CEP152: variants seen among roughly 807,000 people sequenced by gnomAD.
CEP152 encodes the protein centrosomal protein of 152 kDa.
A neutral mutation model predicts 188.9 loss-of-function variants in CEP152; 132 were observed. The observed-to-expected ratio is 0.70, with a 90% CI of 0.61 to 0.81. The LOEUF (loss-of-function observed/expected upper bound fraction) is 0.81. CEP152 is among the 30% of genes least tolerant of loss of function. The probability of loss-of-function intolerance (pLI) is 0.00; values close to 1 mark genes in which losing one functional copy is unlikely to be tolerated. For synonymous variants in CEP152, 649 were observed against 666.6 expected (o/e 0.97, Z 0.41); for missense variants, 1,914 against 1,969.8 (o/e 0.97, Z 0.54).
In CEP152 at chr15:48,762,510, C is replaced by A; in HGVS notation, c.2443G>T (p.Glu815Ter). 6.2e-7 allele frequency: 1 copy of A among 1,614,078 alleles called. No individual in the cohort carries two copies. The highest frequency in any genetic ancestry group is 1.1e-5 in the South Asian group (1 of 91,072). ...TTTTGCTGGATTGTGCACTTCTGCT[C>A]TTCTATCATAATTGCCATCTCTTTC... Reference protein sequence around the residue: ...SKKEMAIMIEEQKCTIQQNLE... With the variant: ...SKKEMAIMIE The change falls in exon 18 of 27, where the codon GAG becomes TAG. Residue 815 changes from glutamate to a stop codon, truncating the protein, a stop_gained. Coordinates refer to ENST00000380950, the MANE Select transcript of CEP152 (RefSeq NM_001194998.2). LOFTEE classifies it high-confidence loss of function.
At chr15:48,742,289 G>GTACTCTA in intron 24 of CEP152, among the ~76,000 whole-genome samples, 189 bp from the exon 25 acceptor site, 1 of 152,234 alleles carries the variant, frequency 6.6e-6, no homozygotes, top group Non-Finnish European at 1.5e-5. Context: ...CAAATGAGAA[G>GTACTCTA]TACTCTATAA....
chr15:48,776,226 T>C (rs528190431), intron 12 of CEP152, among the ~76,000 whole-genome samples: 2 of 152,274 alleles, frequency 1.3e-5, no homozygotes, highest in South Asian at 2.1e-4. Context: ...TTATATGGTA[T>C]ATTTCATAAT....
At chr15:48,744,121 G>T (rs1893226118) in intron 24 of CEP152, 119 bp downstream of exon 24, 1 of 1,485,436 alleles carries the variant, frequency 6.7e-7, no homozygotes, top group African/African-American at 1.4e-5. Context: ...TAAGATTGAA[G>T]AAAAAGGTAA....
chr15:48,757,667 CATTGATCA>C (rs1225998434), intron 19 of CEP152, among the ~76,000 whole-genome samples: 1 of 152,078 alleles, frequency 6.6e-6, no homozygotes, highest in African/African-American at 2.4e-5. Flanking sequence ...TGGTGGTTAC[CATTGATCA>C]ATACTATATA....
At chr15:48,788,768 T>G in intron 9 of CEP152, 33 bp downstream of exon 9, 1 of 1,577,892 alleles carries the variant, frequency 6.3e-7, no homozygotes, top group East Asian at 2.2e-5. Flanking sequence ...CTTTACTTGT[T>G]GATAACAGTT....
chr15:48,804,301 C>T (rs1897844918), intron 2 of CEP152, among the ~76,000 whole-genome samples: 1 of 152,212 alleles, frequency 6.6e-6, no homozygotes, highest in Non-Finnish European at 1.5e-5. Flanking sequence ...ACTCTGCAAC[C>T]AACAATACCT....
At chr15:48,731,327 G>A (rs1383778334) in intron 2 of CEP152, among the ~76,000 whole-genome samples, 4 of 151,910 alleles carry the variant, frequency 2.6e-5, no homozygotes, top group African/African-American at 9.7e-5. Flanking sequence ...ATATGGAAAA[G>A]AAAAAAATAA....
chr15:48,776,269 G>A (rs897522213), intron 12 of CEP152, among the ~76,000 whole-genome samples: 2 of 152,014 alleles, frequency 1.3e-5, no homozygotes, highest in Admixed American at 6.6e-5. Context: ...TAAAACTATA[G>A]AAAGTACTAG....
chr15:48,768,219 C>G lies in CEP152; in HGVS notation c.2018G>C (p.Arg673Thr). 6.3e-7 allele frequency: 1 copy of G among 1,584,086 alleles called. No homozygotes were observed. The highest frequency in any genetic ancestry group is 8.7e-7 in the Non-Finnish European group (1 of 1,152,612). ...FDHDKQEAVD[R>T]CERTYQQHHE... ...CGTCAGGCATCTATATAGACCTTAC[C>G]TATCCACAGCTTCTTGTTTGTCATG... The change falls in exon 15 of 27, where the codon AGG becomes ACG. Residue 673 changes from arginine to threonine, a missense_variant and splice_region_variant. Arg to Thr is a moderately conservative substitution (Grantham distance 71, BLOSUM62 -1). Coordinates refer to ENST00000380950, the MANE Select transcript of CEP152 (RefSeq NM_001194998.2).
Position 48,781,371 on chromosome 15 carries a change from A to C in CEP152, c.1414-12T>G. On this transcript the variant is annotated splice_polypyrimidine_tract_variant and intron_variant, in intron 11 of 26. Coordinates refer to ENST00000380950, the MANE Select transcript of CEP152 (RefSeq NM_001194998.2). The stretch of plus-strand genomic sequence containing the variant: ...TCTGTTAATTCTTCCTACAACACAA[A>C]ATTATTAAAAATAATTTTCACTATT... 2 of 1,572,098 alleles carry C rather than the reference A, an allele frequency of 1.3e-6. No homozygotes were observed. The highest frequency in any genetic ancestry group is 1.7e-6 in the Non-Finnish European group (2 of 1,144,962).
chr15:48,751,056 A>T (rs1288130568), intron 21 of CEP152, among the ~76,000 whole-genome samples: 1 of 152,210 alleles, frequency 6.6e-6, no homozygotes, highest in East Asian at 1.9e-4. Flanking sequence ...ATAATGAGAT[A>T]TTAGGACAAC....
intron 7 of CEP152, 114 bp downstream of exon 7, chr15:48,793,207 T>G: frequency 8.1e-7 from 1 of 1,232,510 alleles, no homozygotes; most frequent in South Asian, 1.2e-5. Context: ...TCACTCACTA[T>G]GAGCCCTCTG....
intron 18 of CEP152, among the ~76,000 whole-genome samples, chr15:48,760,711 C>A (rs532883418): frequency 3.3e-5 from 5 of 152,040 alleles, no homozygotes; most frequent in African/African-American, 1.2e-4. Context: ...CCTACACCTG[C>A]GAACTTTCCT....
intron 1 of CEP152, among the ~76,000 whole-genome samples, chr15:48,806,098 G>T (rs922753981): frequency 1.3e-5 from 2 of 151,910 alleles, no homozygotes; most frequent in Non-Finnish European, 2.9e-5. Context: ...TGCTTTACAA[G>T]AAGAAGGCCC....
Position 48,752,799 on chromosome 15 carries a change from T to C in CEP152, c.3346-330A>G, listed in dbSNP as rs1229846551. Among the ~76,000 whole-genome samples the C allele has an allele frequency of 2.0e-5, 3 of 152,192 alleles. No homozygotes were observed. In the East Asian group the frequency reaches 5.8e-4, roughly 29 times the overall value. ...CGTGATTAAACCACATGAAAGACAA[T>C]ATAAAATCAGAATTGTTCTTGAAAA... On this transcript the variant is annotated intron_variant, in intron 20 of 26. Transcript: ENST00000380950.
intron 24 of CEP152, among the ~76,000 whole-genome samples, chr15:48,742,649 A>G (rs1320244361): frequency 6.6e-6 from 1 of 152,126 alleles, no homozygotes; most frequent in Non-Finnish European, 1.5e-5. Flanking sequence ...ATAATATTAC[A>G]ATTCATAAGA....
At chr15:48,788,276 C>T (rs1341923312) in intron 9 of CEP152, among the ~76,000 whole-genome samples, 3 of 150,968 alleles carry the variant, frequency 2.0e-5, no homozygotes, top group Admixed American at 6.6e-5. Context: ...AGTAGGGTTT[C>T]CAAAAGTATA....
chr15:48,801,121 A>G (rs1897642663), intron 2 of CEP152, among the ~76,000 whole-genome samples: 1 of 152,244 alleles, frequency 6.6e-6, no homozygotes, highest in African/African-American at 2.4e-5. Context: ...TGGAATACCT[A>G]ACGGTCATAT....
chr15:48,755,873 CA>C, intron 20 of CEP152, 29 bp downstream of exon 20: 5 of 1,612,202 alleles, frequency 3.1e-6, no homozygotes, highest in Non-Finnish European at 4.2e-6. Context: ...TCTTGGTGTT[CA>C]ATACCTTCTC....
Sources: gnomAD v4.1 joint callset for allele counts (sites outside exome capture counted in the v4.1 genomes callset) on GRCh38, gnomAD v4.1.1 for gene constraint, MANE v1.5 for transcripts, NCBI Gene and HGNC (gene_info 2026-07-23, HGNC 2026-07-21) for gene names.